The following PCDH15 variants were observed in gnomAD, a reference collection of about 807,000 sequenced individuals.
PCDH15 encodes the protein protocadherin-15.
PCDH15 carries 129 observed loss-of-function variants against 178.5 expected under a neutral mutation model. The observed-to-expected ratio is 0.72, with a 90% CI of 0.63 to 0.84. The LOEUF (loss-of-function observed/expected upper bound fraction) is 0.84. Among genes scored for constraint, PCDH15 ranks in the 40% least tolerant of loss-of-function variants. The pLI is 0.00. For synonymous variants in PCDH15, 800 were observed against 732.0 expected (o/e 1.09, Z -1.50); for missense variants, 2,230 against 2,099.9 (o/e 1.06, Z -1.21).
chr10:54,659,753 C>CAAA (rs35761213), intron 2 of PCDH15, among the ~76,000 whole-genome samples: 14 of 111,524 alleles, frequency 1.3e-4, no homozygotes, highest in African/African-American at 3.4e-4. Context: ...GACCCTGTCT[C>CAAA]AAAAAAAAAA....
At chr10:54,146,935 A>ATATATATATAG (rs1564530464) in intron 14 of PCDH15, among the ~76,000 whole-genome samples, 2 of 63,320 alleles carry the variant, frequency 3.2e-5, no homozygotes, top group Non-Finnish European at 3.0e-5. Context: ...TATATATATA[A>ATATATATATAG]TGTATATATA....
chr10:55,351,010 C>G (rs1191810550), intron 2 of PCDH15, among the ~76,000 whole-genome samples: 1 of 99,282 alleles, frequency 1.0e-5, no homozygotes, highest in African/African-American at 4.0e-5. Flanking sequence ...TCCTCCCCCT[C>G]CCTCTCTCCC....
intron 1 of PCDH15, among the ~76,000 whole-genome samples, chr10:54,678,191 C>G (rs1180009088): frequency 6.6e-6 from 1 of 152,030 alleles, no homozygotes; most frequent in East Asian, 1.9e-4. Flanking sequence ...TATATATGCA[C>G]AAAGGGTTTC....
chr10:54,262,777 G>A (rs1408008062), intron 8 of PCDH15, among the ~76,000 whole-genome samples: 1 of 152,230 alleles, frequency 6.6e-6, no homozygotes, highest in Non-Finnish European at 1.5e-5. Flanking sequence ...GGTATGGCCT[G>A]ATGGTCGTAG....
chr10:54,514,739 G>T (rs1029278952), intron 3 of PCDH15, among the ~76,000 whole-genome samples: 2 of 150,270 alleles, frequency 1.3e-5, no homozygotes, highest in African/African-American at 2.4e-5. Context: ...AATCCATCAG[G>T]GTCCAAGGTG....
At chr10:55,157,240 T>G (rs541162184) in intron 2 of PCDH15, among the ~76,000 whole-genome samples, 3 of 151,556 alleles carry the variant, frequency 2.0e-5, no homozygotes, top group Non-Finnish European at 4.4e-5. Flanking sequence ...AAATGCAAAT[T>G]AAAACCACAA....
At chr10:54,676,314 C>G (rs1179390904) in intron 1 of PCDH15, among the ~76,000 whole-genome samples, 1 of 151,790 alleles carries the variant, frequency 6.6e-6, no homozygotes, top group Non-Finnish European at 1.5e-5. Context: ...TTCTGTGACC[C>G]AATTAAACTA....
chr10:54,766,512 T>G (rs1948525820), intron 1 of PCDH15, among the ~76,000 whole-genome samples: 1 of 151,818 alleles, frequency 6.6e-6, no homozygotes, highest in Admixed American at 6.6e-5. Flanking sequence ...AAATATAAAT[T>G]TATATTCCCC....
intron 3 of PCDH15, among the ~76,000 whole-genome samples, chr10:54,381,066 A>G (rs759247603): frequency 1.3e-5 from 2 of 150,860 alleles, no homozygotes; most frequent in Non-Finnish European, 3.0e-5. Flanking sequence ...GCCAAAAAGA[A>G]AAAAAAAAGC....
chr10:55,222,363 T>C (rs1840901636), intron 1 of PCDH15, among the ~76,000 whole-genome samples: 1 of 151,890 alleles, frequency 6.6e-6, no homozygotes, highest in African/African-American at 2.4e-5. Context: ...GTATTCAGTT[T>C]AACAGACACA....
At chr10:54,142,104 T>C (rs1037266740) in intron 14 of PCDH15, among the ~76,000 whole-genome samples, 2 of 152,202 alleles carry the variant, frequency 1.3e-5, no homozygotes, top group Non-Finnish European at 2.9e-5. Context: ...CACAGTTCTG[T>C]CACTAAAATG....
At chr10:54,889,500 GATAT>G (rs397688090) in intron 3 of PCDH15, among the ~76,000 whole-genome samples, 9 of 142,008 alleles carry the variant, frequency 6.3e-5, no homozygotes, top group Admixed American at 2.1e-4. Flanking sequence ...TAATTGTGAA[GATAT>G]ATATATATAT....
chr10:54,162,244 T>A (rs1297384929), intron 13 of PCDH15, among the ~76,000 whole-genome samples: 1 of 152,152 alleles, frequency 6.6e-6, no homozygotes, highest in Non-Finnish European at 1.5e-5. Context: ...TGTTTCTTTC[T>A]TTCTCTTTTA....
intron 2 of PCDH15, among the ~76,000 whole-genome samples, chr10:55,142,944 T>A (rs1838394608): frequency 6.6e-6 from 1 of 152,082 alleles, no homozygotes; most frequent in Non-Finnish European, 1.5e-5. Context: ...CCAATTGTAA[T>A]CCCCACATGA....
chr10:53,895,827 C>A (rs1181067429), intron 26 of PCDH15, among the ~76,000 whole-genome samples: 1 of 152,112 alleles, frequency 6.6e-6, no homozygotes, highest in African/African-American at 2.4e-5. Context: ...TACTTGTCTC[C>A]TAATTTTTCA....
At chr10:54,410,879 C>T (rs10825325) in intron 3 of PCDH15, among the ~76,000 whole-genome samples, 120,593 of 151,988 alleles carry the variant, frequency 0.79, 48,607 homozygotes, top group East Asian at 0.97. Context: ...GGACTCTGAC[C>T]GAGCTGGCAT....
In PCDH15 at chr10:54,702,866, A is replaced by C. The variant is rs188184925; in HGVS notation, c.-28-38576T>G. Among the ~76,000 whole-genome samples, 8 of 152,190 alleles carry C rather than the reference A, an allele frequency of 5.3e-5. No homozygotes were observed. In the East Asian group the frequency reaches 9.6e-4, roughly 18 times the overall value. ...TCCTCACTGATTCTATGAGTCATGC[A>C]TCATTCTGATATCAAAACCTGGCAG... On this transcript the variant is annotated intron_variant, in intron 1 of 37. Transcript: ENST00000644397.
chr10:54,984,234 T>G (rs2131908282), intron 2 of PCDH15, among the ~76,000 whole-genome samples: 1 of 152,228 alleles, frequency 6.6e-6, no homozygotes, highest in South Asian at 2.1e-4. Context: ...TGTTTTCCTC[T>G]TCTCCCCACA....
chr10:55,210,856 T>C (rs1489399527), intron 1 of PCDH15, among the ~76,000 whole-genome samples: 2 of 151,658 alleles, frequency 1.3e-5, no homozygotes, highest in Non-Finnish European at 2.9e-5. Context: ...TTGATCTCTT[T>C]ACCTCGTGAT....
Sources: allele counts gnomAD v4.1 joint callset (sites outside exome capture counted in the v4.1 genomes callset), GRCh38; gene constraint gnomAD v4.1.1; transcripts MANE v1.5; gene names NCBI Gene and HGNC (gene_info 2026-07-23, HGNC 2026-07-21).